NAV2: variants seen among roughly 807,000 people sequenced by gnomAD.
NAV2 encodes helicase, APC down-regulated 1.
In NAV2, 54 loss-of-function variants were observed where a neutral mutation model predicts 223.2. That is an observed-to-expected ratio of 0.24 (90% CI 0.19 to 0.30). NAV2 has a LOEUF of 0.30. Among genes scored for constraint, NAV2 ranks in the 10% least tolerant of loss-of-function variants. The pLI is 1.00. For synonymous variants in NAV2, 1,279 were observed against 1,239.3 expected, an observed-to-expected ratio of 1.03 and a Z score of -0.67; for missense variants, 2,806 against 3,147.5, an observed-to-expected ratio of 0.89 and a Z score of 2.60.
At chr11:19,486,972 T>C (rs1326339248) in intron 1 of NAV2, among the ~76,000 whole-genome samples, 2 of 152,164 alleles carry the variant, frequency 1.3e-5, no homozygotes, top group South Asian at 2.1e-4. Context: ...TGTTTTCTCC[T>C]GGACTTAAGA....
At chr11:19,691,596 C>G (rs1228796437) in intron 1 of NAV2, among the ~76,000 whole-genome samples, 1 of 152,074 alleles carries the variant, frequency 6.6e-6, no homozygotes, top group African/African-American at 2.4e-5. Context: ...GAGACGGAGT[C>G]TCGCTCTGTG....
At chr11:19,949,156 T>C in intron 10 of NAV2, 76 bp downstream of exon 10, 1 of 1,471,238 alleles carries the variant, frequency 6.8e-7, no homozygotes. Flanking sequence ...TAGGGCTCTA[T>C]TTGATTCTTC....
chr11:19,660,840 A>G (rs928970915), intron 1 of NAV2, among the ~76,000 whole-genome samples: 6 of 152,226 alleles, frequency 3.9e-5, no homozygotes, highest in African/African-American at 1.4e-4. Flanking sequence ...TAGTAGTAGT[A>G]GCAATCATAA....
At chr11:19,614,794 C>T (rs1326544043) in intron 1 of NAV2, among the ~76,000 whole-genome samples, 10 of 152,142 alleles carry the variant, frequency 6.6e-5, no homozygotes, top group Non-Finnish European at 1.0e-4. Flanking sequence ...CCCTAGAACT[C>T]TATAGAGTGA....
chr11:19,471,921 C>G (rs1424346496), intron 1 of NAV2, among the ~76,000 whole-genome samples: 1 of 152,176 alleles, frequency 6.6e-6, no homozygotes, highest in East Asian at 1.9e-4. Context: ...CTGAATATCA[C>G]AGTTAGGCCT....
chr11:19,918,132 C>G (rs886282270), intron 6 of NAV2, among the ~76,000 whole-genome samples: 2 of 152,252 alleles, frequency 1.3e-5, no homozygotes, highest in Admixed American at 1.3e-4. Context: ...AAGCCCAGTG[C>G]ACCTCAGTGT....
At chr11:19,413,268 C>T (rs1278471031) in intron 1 of NAV2, among the ~76,000 whole-genome samples, 4 of 151,864 alleles carry the variant, frequency 2.6e-5, no homozygotes, top group African/African-American at 7.3e-5. Context: ...ACGAGAACTT[C>T]GTGAAGCATA....
chr11:19,578,267 G>A (rs780930683), intron 1 of NAV2, among the ~76,000 whole-genome samples: 5 of 152,258 alleles, frequency 3.3e-5, no homozygotes, highest in South Asian at 4.1e-4. Flanking sequence ...TGCTGCTGTA[G>A]CTGCTGTAAT....
intron 6 of NAV2, among the ~76,000 whole-genome samples, chr11:19,931,546 T>C (rs1213782910): frequency 6.8e-6 from 1 of 146,420 alleles, no homozygotes; most frequent in East Asian, 2.0e-4. Context: ...AAAAAGCCGC[T>C]CTATATACAG....
At chr11:19,562,792 G>A (rs1421150259) in intron 1 of NAV2, among the ~76,000 whole-genome samples, 1 of 152,178 alleles carries the variant, frequency 6.6e-6, no homozygotes, top group Non-Finnish European at 1.5e-5. Flanking sequence ...CTATAGATCT[G>A]CATCAGTAGC....
At chr11:19,824,834 G>A (rs1046505273) in intron 1 of NAV2, among the ~76,000 whole-genome samples, 3 of 152,136 alleles carry the variant, frequency 2.0e-5, no homozygotes, top group African/African-American at 7.2e-5. Context: ...ATAACAAATG[G>A]TGCATTTCGA....
chr11:19,927,681 C>T (rs1171170668), intron 6 of NAV2, among the ~76,000 whole-genome samples: 6 of 139,856 alleles, frequency 4.3e-5, no homozygotes, highest in Non-Finnish European at 3.1e-5. Context: ...AGCAAAACTA[C>T]ATCTTTTAAA....
chr11:19,630,024 A>T (rs1161037627), intron 1 of NAV2, among the ~76,000 whole-genome samples: 1 of 149,296 alleles, frequency 6.7e-6, no homozygotes, highest in East Asian at 1.9e-4. Context: ...TGTTTCCCCA[A>T]CTCTGTGGTG....
At chr11:19,667,378 T>C (rs2048444623) in intron 1 of NAV2, among the ~76,000 whole-genome samples, 1 of 152,184 alleles carries the variant, frequency 6.6e-6, no homozygotes, top group Admixed American at 6.5e-5. Context: ...TTACAATGTG[T>C]ATCTGACTAT....
rs542218560 is a variant in NAV2 at position 19,751,219 on chromosome 11, C to G, written c.267+37257C>G. Among the ~76,000 whole-genome samples the G allele has an allele frequency of 7.9e-5, 12 of 152,352 alleles. No individual in the cohort carries two copies. In the South Asian group the frequency reaches 2.5e-3, roughly 32 times the overall value. ...GCTAAGCAGCTTACCCAAGGGCACA[C>G]AGCAGGGAGGTGACAGAGCTGGGAC... On this transcript the variant is annotated intron_variant, in intron 1 of 37. Coordinates refer to ENST00000349880, the MANE Select transcript of NAV2 (RefSeq NM_145117.5).
rs193100895 is a variant in NAV2, at chr11:19,763,900, A to G, written c.267+49938A>G. On this transcript the variant is annotated intron_variant, in intron 1 of 37. Transcript: ENST00000349880. ...CACTGCCCTGCCCACTGCAAAACGT[A>G]TGGCCGTATAACATCTCTCTATCCA... 3.5e-3 allele frequency among the ~76,000 whole-genome samples: 528 copies of G among 152,102 alleles called. 5 individuals carry two copies. The highest frequency in any genetic ancestry group is 0.012 in the South Asian group (57 of 4,802).
intron 6 of NAV2, among the ~76,000 whole-genome samples, chr11:19,917,113 A>T (rs1436442717): frequency 6.6e-6 from 1 of 152,214 alleles, no homozygotes; most frequent in African/African-American, 2.4e-5. Flanking sequence ...TGCCCAGCCT[A>T]GATGCTTCAA....
chr11:19,681,210 C>T (rs1454282142), intron 1 of NAV2, among the ~76,000 whole-genome samples: 7 of 152,208 alleles, frequency 4.6e-5, no homozygotes, highest in African/African-American at 1.2e-4. Context: ...CAGGGACGTC[C>T]CCTGACCTGG....
intron 17 of NAV2, among the ~76,000 whole-genome samples, chr11:20,053,657 T>C (rs1349561800): frequency 6.6e-6 from 1 of 152,214 alleles, no homozygotes; most frequent in African/African-American, 2.4e-5. Context: ...TGATTCATGG[T>C]CATTTATTTG....
Sources: gnomAD v4.1 joint callset for allele counts (sites outside exome capture counted in the v4.1 genomes callset) on GRCh38, gnomAD v4.1.1 for gene constraint, MANE v1.5 for transcripts, NCBI Gene and HGNC (gene_info 2026-07-23, HGNC 2026-07-21) for gene names.